AVEN: variants seen among roughly 807,000 people sequenced by gnomAD.
AVEN encodes the protein cell death regulator Aven.
Under a neutral mutation model 38.1 loss-of-function variants are expected in AVEN, and 41 were observed. The observed-to-expected ratio is 1.08, with a 90% CI of 0.84 to 1.40. AVEN has a LOEUF of 1.40. AVEN is among the 40% of genes most tolerant of loss of function. AVEN has a pLI of 0.00. For synonymous variants in AVEN, 206 were observed against 171.8 expected, an observed-to-expected ratio of 1.20 and a Z score of -1.56; for missense variants, 605 against 438.8, an observed-to-expected ratio of 1.38 and a Z score of -3.38.
intron 2 of AVEN, chr15:33,972,209 A>G (rs1276844155): frequency 6.6e-6 from 1 of 152,122 alleles, no homozygotes; most frequent in East Asian, 1.9e-4. Flanking sequence ...AAACGGGAGT[A>G]AGGAAAATAC....
At chr15:33,854,662 AC>A, downstream of AVEN, 2 of 1,436,430 alleles carry the variant, frequency 1.4e-6, no homozygotes, top group East Asian at 4.6e-5. Flanking sequence ...CAGCACCTAA[AC>A]CCCCTCTATC....
chr15:33,877,976 C>G (rs1438016029), intron 2 of AVEN, among the ~76,000 whole-genome samples: 1 of 151,878 alleles, frequency 6.6e-6, no homozygotes, highest in South Asian at 2.1e-4. Flanking sequence ...ATAAATAAAA[C>G]AAAATGGAAG....
intron 2 of AVEN, among the ~76,000 whole-genome samples, chr15:33,936,122 G>A (rs1300116621): frequency 6.6e-6 from 1 of 151,902 alleles, no homozygotes; most frequent in Non-Finnish European, 1.5e-5. Flanking sequence ...AGATTTTAAA[G>A]GCATTCCCAC....
intron 5 of AVEN, among the ~76,000 whole-genome samples, chr15:34,060,493 G>A (rs771085103): frequency 6.6e-5 from 10 of 152,176 alleles, no homozygotes; most frequent in Non-Finnish European, 1.0e-4. Flanking sequence ...GTCAGTTACT[G>A]TTATCAAAAA....
At chr15:33,992,388 T>C (rs11630419) in intron 2 of AVEN, among the ~76,000 whole-genome samples, 15,730 of 133,462 alleles carry the variant, frequency 0.12, 1,125 homozygotes, top group Admixed American at 0.23. Flanking sequence ...GGACTCCGTC[T>C]CAAAAAAAAA....
At chr15:33,886,781 T>C (rs897846950) in intron 2 of AVEN, among the ~76,000 whole-genome samples, 9 of 152,350 alleles carry the variant, frequency 5.9e-5, no homozygotes, top group East Asian at 1.9e-4. Context: ...AGTGTGAGAA[T>C]TGACTAATAC....
chr15:34,073,350 C>T (rs1200574018), intron 1 of AVEN, among the ~76,000 whole-genome samples: 4 of 150,710 alleles, frequency 2.7e-5, no homozygotes, highest in Non-Finnish European at 5.9e-5. Context: ...CCACCGCGCC[C>T]GGCCTGTACA....
intron 2 of AVEN, among the ~76,000 whole-genome samples, chr15:33,979,784 T>A (rs917002367): frequency 6.6e-6 from 1 of 152,228 alleles, no homozygotes; most frequent in Non-Finnish European, 1.5e-5. Context: ...AGGACACATG[T>A]AGAGAAACAC....
intron 2 of AVEN, among the ~76,000 whole-genome samples, chr15:33,906,440 G>T (rs1458361791): frequency 6.6e-6 from 1 of 152,178 alleles, no homozygotes; most frequent in African/African-American, 2.4e-5. Flanking sequence ...ATGGACACTT[G>T]AGTTTGCTTT....
At chr15:33,916,841 C>T (rs1277798234) in intron 2 of AVEN, among the ~76,000 whole-genome samples, 1 of 151,900 alleles carries the variant, frequency 6.6e-6, no homozygotes, top group Non-Finnish European at 1.5e-5. Context: ...GTTTAATTGA[C>T]TCACAGTTCC....
At chr15:33,871,749 A>G (rs1161423512) in intron 3 of AVEN, among the ~76,000 whole-genome samples, 3 of 147,762 alleles carry the variant, frequency 2.0e-5, no homozygotes, top group African/African-American at 5.0e-5. Flanking sequence ...AGGTGTTGCG[A>G]AGGTTTCAAA....
chr15:33,889,894 T>G (rs1241220320), intron 2 of AVEN, among the ~76,000 whole-genome samples: 1 of 152,154 alleles, frequency 6.6e-6, no homozygotes, highest in Non-Finnish European at 1.5e-5. Context: ...ACTCGAAGCT[T>G]GGTCCTGAAA....
At chr15:33,920,155 G>A (rs1450607192) in intron 2 of AVEN, among the ~76,000 whole-genome samples, 3 of 152,074 alleles carry the variant, frequency 2.0e-5, no homozygotes, top group Admixed American at 2.0e-4. Flanking sequence ...AGTCAACCAT[G>A]CAATGCAGAT....
At chr15:33,930,664 C>T (rs867887872) in intron 2 of AVEN, among the ~76,000 whole-genome samples, 3 of 152,170 alleles carry the variant, frequency 2.0e-5, no homozygotes, top group South Asian at 2.1e-4. Flanking sequence ...TCTGTTACAA[C>T]TTAAGAACTG....
rs751012201 is a variant in AVEN, at chr15:33,876,005, G to C, written c.446-10C>G. ...TGTGAGAATGAGTCCCCTAGGAATA[G>C]GAAAAAAAAAAAAATTTATGCAAAA... is the stretch of plus-strand genomic sequence containing the variant. On this transcript the variant is annotated splice_polypyrimidine_tract_variant and intron_variant, in intron 2 of 5. Coordinates refer to ENST00000306730, the MANE Select transcript of AVEN (RefSeq NM_020371.3). 4.4e-6 allele frequency: 7 copies of C among 1,587,458 alleles called. No homozygotes were observed. Among genetic ancestry groups the C allele is most frequent in the Non-Finnish European group, 6.0e-6 (7 of 1,172,722 alleles).
intron 1 of AVEN, among the ~76,000 whole-genome samples, chr15:34,016,002 C>T (rs1407347135): frequency 2.0e-5 from 3 of 152,180 alleles, no homozygotes; most frequent in African/African-American, 7.2e-5. Context: ...AGCGGCTGGG[C>T]GCGGTGGCTC....
At chr15:33,882,239 C>A (rs889373128) in intron 2 of AVEN, among the ~76,000 whole-genome samples, 1 of 152,008 alleles carries the variant, frequency 6.6e-6, no homozygotes, top group African/African-American at 2.4e-5. Flanking sequence ...ATAAGAATAC[C>A]AAAATATTAG....
At chr15:34,068,968 C>A (rs924482972) in intron 2 of AVEN, among the ~76,000 whole-genome samples, 1 of 151,856 alleles carries the variant, frequency 6.6e-6, no homozygotes, top group Admixed American at 6.6e-5. Flanking sequence ...CCTGCCACCA[C>A]GCCCGGCTAA....
At chr15:33,855,463 C>T (rs906945888), downstream of AVEN, among the ~76,000 whole-genome samples, 31 of 152,192 alleles carry the variant, frequency 2.0e-4, no homozygotes, top group Non-Finnish European at 3.1e-4. Context: ...CTCGGCCTCC[C>T]GAAGTGCTGG....
Sources: allele counts gnomAD v4.1 joint callset (sites outside exome capture counted in the v4.1 genomes callset), GRCh38; gene constraint gnomAD v4.1.1; transcripts MANE v1.5; gene names NCBI Gene and HGNC (gene_info 2026-07-23, HGNC 2026-07-21).